The following KCNMA1 variants were observed in gnomAD, a reference collection of about 807,000 sequenced individuals.
KCNMA1 encodes the protein Calcium-activated potassium channel subunit alpha-1.
KCNMA1 carries 29 observed loss-of-function variants against 140.0 expected under a neutral mutation model. That is an observed-to-expected ratio of 0.21 (90% CI 0.15 to 0.28). The LOEUF is 0.28. KCNMA1 is among the 10% of genes least tolerant of loss of function. The probability of loss-of-function intolerance (pLI) is 1.00; values close to 1 mark genes in which losing one functional copy is unlikely to be tolerated. For synonymous variants in KCNMA1, 612 were observed against 611.9 expected (o/e 1.00, Z 0.00); for missense variants, 880 against 1,602.2 (o/e 0.55, Z 7.70).
intron 3 of KCNMA1, among the ~76,000 whole-genome samples, chr10:77,225,610 G>A (rs1197170458): frequency 6.6e-6 from 1 of 152,150 alleles, no homozygotes; most frequent in Non-Finnish European, 1.5e-5. Context: ...GAACCACACG[G>A]CAGGAAGCAT....
At chr10:77,228,622 T>G (rs1430523153) in intron 3 of KCNMA1, among the ~76,000 whole-genome samples, 1 of 152,198 alleles carries the variant, frequency 6.6e-6, no homozygotes, top group African/African-American at 2.4e-5. Flanking sequence ...TATTGAATAC[T>G]TACATAACAA....
chr10:76,948,889 T>C (rs2152939751), intron 22 of KCNMA1: 2 of 552,630 alleles, frequency 3.6e-6, no homozygotes, highest in African/African-American at 1.9e-5. Flanking sequence ...GACGCTGATA[T>C]GGTTAATATA....
At chr10:77,315,520 T>TC (rs1239358670) in intron 2 of KCNMA1, 1 of 152,144 alleles carries the variant, frequency 6.6e-6, no homozygotes, top group East Asian at 1.9e-4. Context: ...GTGATTTTTT[T>TC]CCCCCAACCC....
At chr10:76,947,017 GAAGA>G (rs2064199810) in intron 22 of KCNMA1, among the ~76,000 whole-genome samples, 1 of 152,132 alleles carries the variant, frequency 6.6e-6, no homozygotes, top group Admixed American at 6.5e-5. Flanking sequence ...TCATATACAT[GAAGA>G]AAGATGAGTG....
intron 2 of KCNMA1, among the ~76,000 whole-genome samples, chr10:77,286,000 C>T (rs900242801): frequency 6.6e-6 from 1 of 152,156 alleles, no homozygotes; most frequent in African/African-American, 2.4e-5. Flanking sequence ...TTACTGCCTC[C>T]CTGTGTAATC....
At chr10:77,591,176 G>A (rs1431688266) in intron 1 of KCNMA1, among the ~76,000 whole-genome samples, 2 of 152,116 alleles carry the variant, frequency 1.3e-5, no homozygotes, top group African/African-American at 4.8e-5. Flanking sequence ...TCCTCCTCTG[G>A]GGGCTCAGAC....
At chr10:77,498,299 G>A (rs947743751) in intron 1 of KCNMA1, among the ~76,000 whole-genome samples, 2 of 152,196 alleles carry the variant, frequency 1.3e-5, no homozygotes, top group African/African-American at 4.8e-5. Context: ...GATCACAGCA[G>A]TGTTCAGCAG....
intron 1 of KCNMA1, among the ~76,000 whole-genome samples, chr10:77,411,446 T>C (rs1320557525): frequency 6.6e-6 from 1 of 152,218 alleles, no homozygotes; most frequent in Non-Finnish European, 1.5e-5. Context: ...ATGATCATAG[T>C]AACTCTATGA....
At chr10:77,365,729 C>T (rs898406668) in intron 2 of KCNMA1, among the ~76,000 whole-genome samples, 7 of 152,174 alleles carry the variant, frequency 4.6e-5, no homozygotes, top group African/African-American at 1.4e-4. Context: ...GCTGACTTCC[C>T]AAATGAGTTC....
chr10:76,918,947 CATAT>C (rs3067711), intron 23 of KCNMA1, among the ~76,000 whole-genome samples: 2 of 146,992 alleles, frequency 1.4e-5, no homozygotes, highest in East Asian at 2.1e-4. Context: ...CACACACACA[CATAT>C]ATATGTGAGT....
chr10:77,564,731 G>A (rs970350550), intron 1 of KCNMA1, among the ~76,000 whole-genome samples: 2 of 152,144 alleles, frequency 1.3e-5, no homozygotes, highest in Non-Finnish European at 2.9e-5. Context: ...AGAATGAATG[G>A]AGCCTTGAAC....
At chr10:77,637,188 G>A (rs1213622118) in intron 1 of KCNMA1, 77 bp downstream of exon 1, 5 of 1,375,132 alleles carry the variant, frequency 3.6e-6, no homozygotes, top group Non-Finnish European at 5.0e-6. Context: ...GCGGCGCGGA[G>A]CGAGGAGGTG....
intron 9 of KCNMA1, among the ~76,000 whole-genome samples, chr10:77,093,233 A>T (rs984433419): frequency 2.0e-5 from 3 of 152,106 alleles, no homozygotes; most frequent in Non-Finnish European, 4.4e-5. Flanking sequence ...AAGAAAAAAA[A>T]CCTTCCTTCA....
intron 23 of KCNMA1, among the ~76,000 whole-genome samples, chr10:76,926,459 AG>A (rs1391893443): frequency 6.6e-6 from 1 of 152,200 alleles, no homozygotes; most frequent in African/African-American, 2.4e-5. Flanking sequence ...GTACTTCATC[AG>A]TACTAACTTA....
intron 25 of KCNMA1, among the ~76,000 whole-genome samples, chr10:76,898,953 A>T (rs1277266652): frequency 6.6e-6 from 1 of 152,060 alleles, no homozygotes; most frequent in African/African-American, 2.4e-5. Flanking sequence ...GAAAAAATAA[A>T]CTTATGACAA....
rs1401401843 is a variant in KCNMA1 at position 77,545,686 on chromosome 10, G to A, written c.378+91579C>T. Among the ~76,000 whole-genome samples, 7 of 152,180 alleles carry A rather than the reference G, an allele frequency of 4.6e-5. No homozygotes were observed. In the South Asian group the frequency reaches 1.0e-3, roughly 23 times the overall value. On this transcript the variant is annotated intron_variant, in intron 1 of 27. Transcript: ENST00000286628. ...GGCAGGGTCATGTTCCAGGAGCCCCGATTTCAGGGAAATATTCTGCTCCCT... is the reference window on the plus strand; with the variant it reads ...GGCAGGGTCATGTTCCAGGAGCCCCAATTTCAGGGAAATATTCTGCTCCCT...
chr10:77,447,423 A>G (rs1056813098), intron 1 of KCNMA1, among the ~76,000 whole-genome samples: 18 of 152,238 alleles, frequency 1.2e-4, no homozygotes, highest in African/African-American at 4.3e-4. Flanking sequence ...TTATTATTAT[A>G]GCCCATGTTT....
intron 2 of KCNMA1, among the ~76,000 whole-genome samples, chr10:77,394,011 C>A (rs1356120929): frequency 1.3e-5 from 2 of 152,228 alleles, no homozygotes; most frequent in African/African-American, 4.8e-5. Context: ...GAACACCAAT[C>A]AATGTCGGTG....
chr10:76,962,799 T>G (rs1185232441), intron 20 of KCNMA1, among the ~76,000 whole-genome samples: 3 of 152,212 alleles, frequency 2.0e-5, no homozygotes, highest in South Asian at 2.1e-4. Flanking sequence ...AAGGAACTGA[T>G]GAATCATCTC....
Sources: allele counts gnomAD v4.1 joint callset (sites outside exome capture counted in the v4.1 genomes callset), GRCh38; gene constraint gnomAD v4.1.1; transcripts MANE v1.5; gene names NCBI Gene and HGNC (gene_info 2026-07-23, HGNC 2026-07-21).